The following AFDN variants were observed in gnomAD, a reference collection of about 807,000 sequenced individuals.
AFDN encodes afadin.
In AFDN, 68 loss-of-function variants were observed where a neutral mutation model predicts 216.6. The observed-to-expected ratio is 0.31, with a 90% CI of 0.26 to 0.38. The LOEUF is 0.38. AFDN is among the 10% of genes least tolerant of loss of function. The pLI is 1.00. For missense variants in AFDN, 2,136 were observed against 2,342.0 expected (o/e 0.91, Z 1.82); for synonymous variants, 868 against 853.7 (o/e 1.02, Z -0.29).
chr6:167,930,563 G>A (rs564277432), intron 23 of AFDN, among the ~76,000 whole-genome samples: 2 of 152,300 alleles, frequency 1.3e-5, no homozygotes, highest in East Asian at 3.9e-4. Context: ...AGTTTGGGCT[G>A]TCAGGGGAAG....
chr6:167,890,868 T>C lies in AFDN; in HGVS notation c.1016T>C (p.Leu339Ser). 2 of 1,613,276 alleles carry C rather than the reference T, an allele frequency of 1.2e-6. No homozygotes were observed. Among genetic ancestry groups the C allele is most frequent in the Non-Finnish European group, 1.7e-6 (2 of 1,179,602 alleles). The change falls in exon 8 of 34, where the codon TTA becomes TCA. Residue 339 changes from leucine (L) to serine (S), a missense_variant. Transcript: ENST00000683244. ...FREWPSDKGI[L>S]VFQLKRRPPD... is the part of the protein sequence containing the mutation. The stretch of plus-strand genomic sequence containing the variant: ...TCCCATGCTGCTGTTCTAGGGATTT[T>C]AGTCTTTCAGTTGAAGAGGAGGCCA...
At chr6:167,954,349 T>A in intron 30 of AFDN, 1 of 742,722 alleles carries the variant, frequency 1.3e-6, no homozygotes, top group South Asian at 2.3e-5. Context: ...GAAACACAGA[T>A]GACGCATGAT....
intron 29 of AFDN, among the ~76,000 whole-genome samples, chr6:167,950,621 C>A (rs940103092): frequency 6.6e-6 from 1 of 152,120 alleles, no homozygotes; most frequent in Non-Finnish European, 1.5e-5. Context: ...CAGAAAGTCA[C>A]GGATGGTTAC....
intron 9 of AFDN, 108 bp from the exon 10 acceptor site, chr6:167,896,770 C>T: frequency 2.2e-5 from 13 of 583,224 alleles, no homozygotes; most frequent in South Asian, 7.9e-5. Flanking sequence ...AAAAGAAATC[C>T]TGAGAAATGA....
chr6:167,892,118 C>T (rs1787690493), intron 8 of AFDN, among the ~76,000 whole-genome samples: 1 of 152,110 alleles, frequency 6.6e-6, no homozygotes, highest in Non-Finnish European at 1.5e-5. Context: ...GTGATGGTAT[C>T]ATTTTGATGC....
At chr6:167,949,019 G>A (rs1373049393) in intron 29 of AFDN, among the ~76,000 whole-genome samples, 2 of 152,230 alleles carry the variant, frequency 1.3e-5, no homozygotes, top group African/African-American at 4.8e-5. Flanking sequence ...GGAAAGGGGT[G>A]GCAAGATCTA....
Position 167,880,506 on chromosome 6 carries a change from T to A in AFDN, c.886T>A (p.Cys296Ser), listed in dbSNP as rs775124543. Reference protein sequence around the residue: ...GLEKENPKDYCIARVMLPPGA... With the variant: ...GLEKENPKDYSIARVMLPPGA... The stretch of plus-strand genomic sequence containing the variant: ...GGAAAAAGAAAACCCTAAGGATTAC[T>A]GCATCGCCCGGGTAAGGAACTTTAT... The change falls in exon 6 of 34, where the codon TGC (cysteine) becomes AGC (serine). Residue 296 changes from cysteine (C) to serine (S), a missense_variant. Coordinates refer to ENST00000683244, the MANE Select transcript of AFDN (RefSeq NM_001386888.1). The A allele has an allele frequency of 6.2e-7, 1 of 1,613,618 alleles. No individual in the cohort carries two copies. The highest frequency in any genetic ancestry group is 1.1e-5 in the South Asian group (1 of 91,010).
intron 30 of AFDN, among the ~76,000 whole-genome samples, chr6:167,959,591 C>T (rs1392374573): frequency 6.6e-6 from 1 of 152,066 alleles, no homozygotes; most frequent in Non-Finnish European, 1.5e-5. Flanking sequence ...TTAACAGAGT[C>T]GTGTTTTCAG....
At chr6:167,935,914 A>G (rs959478370) in intron 23 of AFDN, among the ~76,000 whole-genome samples, 7 of 152,194 alleles carry the variant, frequency 4.6e-5, no homozygotes, top group Non-Finnish European at 7.3e-5. Context: ...ACTCATAACA[A>G]ACATACTATG....
intron 8 of AFDN, among the ~76,000 whole-genome samples, chr6:167,892,051 A>G (rs1413490171): frequency 6.6e-6 from 1 of 152,206 alleles, no homozygotes; most frequent in Non-Finnish European, 1.5e-5. Flanking sequence ...TAATGATTAC[A>G]TACGATATTT....
chr6:167,956,907 A>G (rs974529574), intron 30 of AFDN, among the ~76,000 whole-genome samples: 9 of 152,152 alleles, frequency 5.9e-5, no homozygotes, highest in African/African-American at 2.2e-4. Context: ...GTCCCTTCAC[A>G]GGACAGCCTT....
chr6:167,867,432 CTTT>C (rs766749834), intron 2 of AFDN, among the ~76,000 whole-genome samples: 1 of 137,182 alleles, frequency 7.3e-6, no homozygotes, highest in African/African-American at 2.7e-5. Flanking sequence ...TTTTTCTTTT[CTTT>C]TTTTTTTTTT....
chr6:167,848,195 A>T (rs1259572005), intron 1 of AFDN, among the ~76,000 whole-genome samples: 4 of 152,170 alleles, frequency 2.6e-5, no homozygotes, highest in South Asian at 4.1e-4. Flanking sequence ...TCATGGTCAC[A>T]TTTCTTTGAC....
Position 167,914,812 on chromosome 6 carries a change from G to T in AFDN, c.2299+74G>T. 3 of 993,646 alleles carry T rather than the reference G, an allele frequency of 3.0e-6. No homozygotes were observed. The Admixed American group carries it at 6.5e-5, about 21-fold the overall frequency. The allele number at this position is 993,646 out of a possible 1,614,324, so 61.6% of individuals were successfully genotyped here. Reference sequence around the variant, plus strand: ...TAGCATCATTTTAATGCTTAGCGTAGGTAAGTGGAGGTGTTTTTAAAATAA... The same window carrying T: ...TAGCATCATTTTAATGCTTAGCGTATGTAAGTGGAGGTGTTTTTAAAATAA... On this transcript the variant is annotated intron_variant, in intron 18 of 33. Coordinates refer to ENST00000683244, the MANE Select transcript of AFDN (RefSeq NM_001386888.1).
intron 22 of AFDN, among the ~76,000 whole-genome samples, chr6:167,923,867 C>T (rs1010086946): frequency 2.0e-5 from 3 of 151,936 alleles, no homozygotes; most frequent in Non-Finnish European, 4.4e-5. Context: ...TCAAATGATT[C>T]GCCCACCTCA....
At position 167,898,282 on chromosome 6, in the gene AFDN, T is replaced by G; in HGVS notation, c.1395T>G (p.Ser465Arg). Residue 465 changes from serine to arginine, a missense_variant, in exon 11 of 34, where the codon AGT (serine) becomes AGG (arginine). Ser to Arg is a moderately radical substitution (Grantham distance 110). Transcript: ENST00000683244. ...GAGTGGTCACTGTGACGCCCAGAAG[T>G]ATGGACGCAGAAACCTACGTGGAAG... is the stretch of plus-strand genomic sequence containing the variant. ...MDGVVTVTPR[S>R]MDAETYVEGQ... is the part of the protein sequence containing the mutation. The G allele has an allele frequency of 1.9e-6, 3 of 1,614,064 alleles. No individual in the cohort carries two copies. The highest frequency in any genetic ancestry group is 2.5e-6 in the Non-Finnish European group (3 of 1,180,006).
At chr6:167,964,718 A>G (rs1182303940) in intron 31 of AFDN, 21 of 1,064,870 alleles carry the variant, frequency 2.0e-5, no homozygotes, top group Admixed American at 5.4e-5. Flanking sequence ...GGGACTAACA[A>G]CTTTTCACTG....
chr6:167,945,383 C>T (rs985882349), intron 26 of AFDN, among the ~76,000 whole-genome samples: 1 of 152,236 alleles, frequency 6.6e-6, no homozygotes, highest in South Asian at 2.1e-4. Flanking sequence ...ACAGACCTGC[C>T]TGGGGCTACT....
intron 29 of AFDN, among the ~76,000 whole-genome samples, chr6:167,948,913 G>A (rs1000925065): frequency 7.9e-5 from 12 of 152,222 alleles, no homozygotes; most frequent in Non-Finnish European, 1.0e-4. Flanking sequence ...AGTCTTGGAC[G>A]AGAACCTGGG....
Sources: gnomAD v4.1 joint callset for allele counts (sites outside exome capture counted in the v4.1 genomes callset) on GRCh38, gnomAD v4.1.1 for gene constraint, MANE v1.5 for transcripts, NCBI Gene and HGNC (gene_info 2026-07-23, HGNC 2026-07-21) for gene names.